The following CTIF variants were observed in gnomAD, a reference collection of about 807,000 sequenced individuals.
The protein encoded by CTIF is CBP80/20-dependent translation initiation factor.
Under a neutral mutation model 66.0 loss-of-function variants are expected in CTIF, and 21 were observed. The observed-to-expected ratio is 0.32, with a 90% CI of 0.23 to 0.46. The LOEUF (loss-of-function observed/expected upper bound fraction) is 0.46, where lower values mean the gene tolerates loss of function less well. Among genes scored for constraint, CTIF ranks in the 20% least tolerant of loss-of-function variants. The pLI, the probability that CTIF is intolerant of heterozygous loss-of-function variation, is 1.00. For missense variants in CTIF, 739 were observed against 812.7 expected (o/e 0.91, Z 1.10); for synonymous variants, 345 against 326.4 (o/e 1.06, Z -0.62).
At chr18:48,669,793 T>TTATATATATATA (rs57715945) in intron 5 of CTIF, among the ~76,000 whole-genome samples, 15 of 47,256 alleles carry the variant, frequency 3.2e-4, no homozygotes, top group Admixed American at 5.4e-4. Flanking sequence ...AGCTAAACAT[T>TTATATATATATA]TATATATATA....
At chr18:48,711,133 G>C (rs1306944263) in intron 6 of CTIF, among the ~76,000 whole-genome samples, 3 of 152,166 alleles carry the variant, frequency 2.0e-5, no homozygotes, top group Non-Finnish European at 4.4e-5. Context: ...CTCTTCACAG[G>C]GCTTAGGGTT....
intron 9 of CTIF, among the ~76,000 whole-genome samples, chr18:48,798,341 G>A (rs1444032211): frequency 6.6e-6 from 1 of 152,226 alleles, no homozygotes; most frequent in African/African-American, 2.4e-5. Context: ...GCCCAGAGCT[G>A]TCAGTTCCAG....
At chr18:48,796,369 G>C (rs139205868) in intron 9 of CTIF, among the ~76,000 whole-genome samples, 1 of 151,962 alleles carries the variant, frequency 6.6e-6, no homozygotes, top group African/African-American at 2.4e-5. Context: ...GTAGAAACGG[G>C]GTTTCACCAT....
chr18:48,758,968 G>T lies in CTIF; in HGVS notation c.1071+563G>T, dbSNP rs376064574. Among the ~76,000 whole-genome samples, 7 of 152,086 alleles carry T rather than the reference G, an allele frequency of 4.6e-5. No homozygotes were observed. In the South Asian group the frequency reaches 1.5e-3, roughly 32 times the overall value. ...AGTGCTCTACAGTGCACACCGTAAG[G>T]TGGCTCCATTCTCAGCATCACGCAG... On this transcript the variant is annotated intron_variant, in intron 8 of 11. Transcript: ENST00000256413.
In CTIF at chr18:48,845,300, C is replaced by T. The variant is rs979521495; in HGVS notation, c.1528-12288C>T. Among the ~76,000 whole-genome samples, 8 of 152,314 alleles carry T rather than the reference C, an allele frequency of 5.3e-5. No homozygotes were observed. In the South Asian group the frequency reaches 1.7e-3, roughly 32 times the overall value. On this transcript the variant is annotated intron_variant, in intron 10 of 11. Coordinates refer to ENST00000256413, the MANE Select transcript of CTIF (RefSeq NM_014772.3). ...GGGGCCCAGCCCAGGCTTCCACTGC[C>T]CCAGTAGCAGCACTGAAGTCATCAT...
At chr18:48,563,823 G>C (rs2089217694) in intron 1 of CTIF, among the ~76,000 whole-genome samples, 1 of 152,174 alleles carries the variant, frequency 6.6e-6, no homozygotes, top group Non-Finnish European at 1.5e-5. Context: ...GCCTGTGCCT[G>C]ACACAGTAAG....
chr18:48,834,420 T>C (rs912458399), intron 10 of CTIF, among the ~76,000 whole-genome samples: 3 of 152,232 alleles, frequency 2.0e-5, no homozygotes, highest in Admixed American at 1.3e-4. Flanking sequence ...TCATGGGCCA[T>C]AAAAAGCAGG....
chr18:48,835,304 G>A (rs992785629), intron 10 of CTIF, among the ~76,000 whole-genome samples: 13 of 152,152 alleles, frequency 8.5e-5, no homozygotes, highest in Non-Finnish European at 1.5e-4. Context: ...ACAGAAAAAG[G>A]CCACCTGATC....
At chr18:48,566,783 A>G (rs527325662) in intron 1 of CTIF, 4 of 152,120 alleles carry the variant, frequency 2.6e-5, no homozygotes. Context: ...GGCTGTGGAA[A>G]CCCCTTTGGG....
intron 6 of CTIF, among the ~76,000 whole-genome samples, chr18:48,705,263 C>G (rs2092136989): frequency 6.6e-6 from 1 of 152,272 alleles, no homozygotes; most frequent in African/African-American, 2.4e-5. Flanking sequence ...GCACTTCTTC[C>G]CAGCTTCCCG....
chr18:48,751,346 G>A (rs1907790183), intron 7 of CTIF, among the ~76,000 whole-genome samples: 1 of 152,208 alleles, frequency 6.6e-6, no homozygotes, highest in Non-Finnish European at 1.5e-5. Context: ...ACATAGGCCT[G>A]TGCTGCTCTC....
chr18:48,651,028 C>T (rs2091146140), intron 3 of CTIF, among the ~76,000 whole-genome samples: 1 of 152,154 alleles, frequency 6.6e-6, no homozygotes, highest in African/African-American at 2.4e-5. Flanking sequence ...CAGTACCAGC[C>T]ACTGCAAAAA....
In CTIF at chr18:48,757,960, A is replaced by G. The variant is rs749164299; in HGVS notation, c.626A>G (p.His209Arg). 4.3e-6 allele frequency: 7 copies of G among 1,613,688 alleles called. No individual in the cohort carries two copies. Among genetic ancestry groups the G allele is most frequent in the Admixed American group, 3.3e-5 (2 of 59,996 alleles). ...CCGGGGGGCAACAAGCCCCAACAGC[A>G]TGGTGACCACCAGCCAGGCAGTGCC... ...RPPGGNKPQQ[H>R]GDHQPGSAKH... Residue 209 changes from histidine to arginine, a missense_variant, in exon 8 of 12, where the codon CAT becomes CGT. By Grantham distance (29) the His-to-Arg change is conservative. Coordinates refer to ENST00000256413, the MANE Select transcript of CTIF (RefSeq NM_014772.3).
chr18:48,561,506 C>A lies in CTIF; in HGVS notation c.-29+22194C>A, dbSNP rs545191991. On this transcript the variant is annotated intron_variant, in intron 1 of 11. Coordinates refer to ENST00000256413, the MANE Select transcript of CTIF (RefSeq NM_014772.3). ...GCAGCAAGACCATCCACAGTTAAGA[C>A]CCTTCTCAGAGAAACTCCACTGTGG... 5.3e-5 allele frequency among the ~76,000 whole-genome samples: 8 copies of A among 152,256 alleles called. No homozygotes were observed. In the South Asian group the frequency reaches 1.7e-3, roughly 32 times the overall value.
chr18:48,639,537 A>AG (rs1358576215), intron 3 of CTIF, among the ~76,000 whole-genome samples: 1 of 152,122 alleles, frequency 6.6e-6, no homozygotes, highest in African/African-American at 2.4e-5. Context: ...TGGGTGCTGC[A>AG]GGGGGAGGCA....
At chr18:48,721,905 C>G (rs2145575529) in intron 7 of CTIF, among the ~76,000 whole-genome samples, 1 of 152,322 alleles carries the variant, frequency 6.6e-6, no homozygotes, top group East Asian at 1.9e-4. Context: ...AAATAGGGCT[C>G]TGATTTCAGC....
At chr18:48,734,529 G>A (rs1174943286) in intron 7 of CTIF, among the ~76,000 whole-genome samples, 4 of 152,200 alleles carry the variant, frequency 2.6e-5, no homozygotes, top group African/African-American at 4.8e-5. Context: ...TTGCACCACT[G>A]CACTCTAGCC....
intron 7 of CTIF, among the ~76,000 whole-genome samples, chr18:48,734,560 ACT>A (rs1441548981): frequency 6.6e-6 from 1 of 152,066 alleles, no homozygotes; most frequent in Non-Finnish European, 1.5e-5. Context: ...AGTGAGTGAG[ACT>A]CTGTCTCAAA....
chr18:48,590,254 G>A (rs1028534533), intron 1 of CTIF, among the ~76,000 whole-genome samples: 1 of 152,236 alleles, frequency 6.6e-6, no homozygotes, highest in Non-Finnish European at 1.5e-5. Context: ...CACACTGGAT[G>A]CCAGAAAGGG....
Sources: gnomAD v4.1 joint callset for allele counts (sites outside exome capture counted in the v4.1 genomes callset) on GRCh38, gnomAD v4.1.1 for gene constraint, MANE v1.5 for transcripts, NCBI Gene and HGNC (gene_info 2026-07-23, HGNC 2026-07-21) for gene names.